The following CPAP variants were observed in gnomAD, a reference collection of about 807,000 sequenced individuals.
CPAP encodes centrosomal P4.1-associated protein.
the CPAP span, chr13:24,909,873 GGAGAC>G: frequency 5.7e-4 from 915 of 1,613,876 alleles, 12 homozygotes; most frequent in South Asian, 9.4e-3. Flanking sequence ...AAATAAATTA[GGAGAC>G]GCACGTTTTG....
chr13:24,923,579 C>G, the CPAP span, among the ~76,000 whole-genome samples: 1 of 152,050 alleles, frequency 6.6e-6, no homozygotes, highest in South Asian at 2.1e-4. Flanking sequence ...GTTACAGCAC[C>G]GTGAGTTACC....
the CPAP span, among the ~76,000 whole-genome samples, chr13:24,910,265 C>A: frequency 6.6e-6 from 1 of 152,182 alleles, no homozygotes. Context: ...GCTCTGTCGC[C>A]AAGGCTGAAG....
the CPAP span, among the ~76,000 whole-genome samples, chr13:24,924,296 C>T: frequency 1.7e-5 from 2 of 117,852 alleles, no homozygotes; most frequent in African/African-American, 5.7e-5. Context: ...ATCATTCTTC[C>T]TAAAATGTGT....
the CPAP span, among the ~76,000 whole-genome samples, chr13:24,892,246 T>C: frequency 5.3e-5 from 8 of 152,214 alleles, no homozygotes; most frequent in Non-Finnish European, 1.0e-4. Context: ...AAAATCTCCC[T>C]GGTCTGTTTT....
the CPAP span, chr13:24,907,077 G>C: frequency 6.2e-7 from 1 of 1,608,852 alleles, no homozygotes; most frequent in Non-Finnish European, 8.5e-7. Flanking sequence ...AATCAGAAGA[G>C]CACAATTGCT....
the CPAP span, chr13:24,882,430 T>TAAGTG: frequency 6.6e-6 from 1 of 152,082 alleles, no homozygotes; most frequent in Non-Finnish European, 1.5e-5. Flanking sequence ...AGTAAGTAAG[T>TAAGTG]AAGTGACTTG....
At chr13:24,906,433 C>T in the CPAP span, 10 of 1,613,686 alleles carry the variant, frequency 6.2e-6, no homozygotes, top group Non-Finnish European at 8.5e-6. Context: ...TAGCAGCCAG[C>T]CGGCTGGCCG....
At chr13:24,916,612 ACT>A in the CPAP span, among the ~76,000 whole-genome samples, 1 of 152,090 alleles carries the variant, frequency 6.6e-6, no homozygotes, top group African/African-American at 2.4e-5. Flanking sequence ...ACTTGAAGAA[ACT>A]CTTTTGTGAA....
chr13:24,906,598 T>C, the CPAP span: 2 of 1,614,242 alleles, frequency 1.2e-6, no homozygotes, highest in South Asian at 2.2e-5. Flanking sequence ...GCCCATCACA[T>C]TTCTTCCCCG....
At chr13:24,883,512 T>C in the CPAP span, 1 of 639,820 alleles carries the variant, frequency 1.6e-6, no homozygotes, top group Non-Finnish European at 2.7e-6. Context: ...ATTGTAACTT[T>C]CTACAGTGTT....
the CPAP span, chr13:24,884,377 G>A: frequency 1.6e-5 from 26 of 1,613,998 alleles, no homozygotes; most frequent in Non-Finnish European, 2.1e-5. Flanking sequence ...AAGTGACAGT[G>A]ATGGTCTTCC....
At chr13:24,928,539 TCCTG>T in the CPAP span, among the ~76,000 whole-genome samples, 1 of 152,228 alleles carries the variant, frequency 6.6e-6, no homozygotes, top group African/African-American at 2.4e-5. Flanking sequence ...CAAGTGATTC[TCCTG>T]CCTCAGCCTC....
chr13:24,891,938 A>G, the CPAP span, among the ~76,000 whole-genome samples: 3 of 152,140 alleles, frequency 2.0e-5, no homozygotes, highest in South Asian at 6.2e-4. Context: ...GCGGCCACCC[A>G]GGCCACTCCT....
chr13:24,883,534 G>GTGA, the CPAP span, among the ~76,000 whole-genome samples: 1 of 152,102 alleles, frequency 6.6e-6, no homozygotes, highest in African/African-American at 2.4e-5. Flanking sequence ...CTGCTTCATG[G>GTGA]TGATAGTTCC....
At chr13:24,905,206 A>C in the CPAP span, 6 of 801,054 alleles carry the variant, frequency 7.5e-6, no homozygotes, top group Non-Finnish European at 1.2e-5. Flanking sequence ...AAATAAATCA[A>C]ATTTTTACAA....
the CPAP span, chr13:24,912,963 C>T: frequency 6.2e-7 from 1 of 1,614,148 alleles, no homozygotes; most frequent in Non-Finnish European, 8.5e-7. Flanking sequence ...AAGGATTGGT[C>T]ATCCACTGGG....
At chr13:24,906,008 G>A in the CPAP span, 2 of 1,614,144 alleles carry the variant, frequency 1.2e-6, no homozygotes, top group South Asian at 2.2e-5. Context: ...CTTTTGGACG[G>A]CTTTCCTGAT....
At chr13:24,902,962 A>G in the CPAP span, among the ~76,000 whole-genome samples, 1 of 152,250 alleles carries the variant, frequency 6.6e-6, no homozygotes, top group Non-Finnish European at 1.5e-5. Flanking sequence ...TATGTGACAT[A>G]TAATATCCCC....
At chr13:24,902,035 A>G in the CPAP span, among the ~76,000 whole-genome samples, 1 of 152,228 alleles carries the variant, frequency 6.6e-6, no homozygotes, top group East Asian at 1.9e-4. Flanking sequence ...GAGCCCATAC[A>G]GTAGAGCCCA....
Sources: allele counts gnomAD v4.1 joint callset (sites outside exome capture counted in the v4.1 genomes callset), GRCh38; gene constraint gnomAD v4.1.1; transcripts MANE v1.5; gene names NCBI Gene and HGNC (gene_info 2026-07-23, HGNC 2026-07-21).